The following NCL variants were observed in gnomAD, a reference collection of about 807,000 sequenced individuals.
The protein encoded by NCL is nucleolin multifunctional protein.
In NCL, 4 loss-of-function variants were observed where a neutral mutation model predicts 77.7. That is an observed-to-expected ratio of 0.05 (90% CI 0.03 to 0.12). NCL has a LOEUF of 0.12. NCL is among the 10% of genes least tolerant of loss of function. The probability of loss-of-function intolerance (pLI) is 1.00; values close to 1 mark genes in which losing one functional copy is unlikely to be tolerated. For missense variants in NCL, 763 were observed against 860.9 expected (o/e 0.89, Z 1.42); for synonymous variants, 344 against 297.8 (o/e 1.16, Z -1.60).
rs760466727 is a variant in NCL at position 231,455,285 on chromosome 2, G to T, written c.2057-18C>A. On this transcript the variant is annotated intron_variant, in intron 13 of 13. Coordinates refer to ENST00000322723, the MANE Select transcript of NCL (RefSeq NM_005381.3). ...TCCTCGCCCTACAGGAGGAAGGCAA[G>T]ACACTGTTAAAAGAATGGGTACAAA... The T allele has an allele frequency of 6.2e-7, 1 of 1,613,960 alleles. No homozygotes were observed. Among genetic ancestry groups the T allele is most frequent in the Non-Finnish European group, 8.5e-7 (1 of 1,180,006 alleles).
intron 7 of NCL, 121 bp from the exon 8 acceptor site, chr2:231,458,510 G>A (rs2046913478): frequency 7.9e-7 from 1 of 1,266,508 alleles, no homozygotes; most frequent in Non-Finnish European, 1.1e-6. Context: ...ATCCTATAAT[G>A]TACAAGGCTC....
At chr2:231,458,918 A>G (rs1346351559) in intron 7 of NCL, 83 bp downstream of exon 7, 2 of 1,351,082 alleles carry the variant, frequency 1.5e-6, no homozygotes, top group Non-Finnish European at 2.0e-6. Flanking sequence ...ATAAGAGGAA[A>G]CCAAGGGAAA....
At chr2:231,461,053 T>C (rs2046944691) in intron 3 of NCL, among the ~76,000 whole-genome samples, 187 bp from the exon 4 acceptor site, 1 of 152,012 alleles carries the variant, frequency 6.6e-6, no homozygotes, top group African/African-American at 2.4e-5. Flanking sequence ...CCAAGGTGGG[T>C]GGATCACCTG....
chr2:231,455,912 A>C, intron 12 of NCL, 98 bp downstream of exon 12: 1 of 1,578,658 alleles, frequency 6.3e-7, no homozygotes, highest in Non-Finnish European at 8.7e-7. Context: ...CCACTGATAG[A>C]CAGAAAGGAG....
Position 231,460,739 on chromosome 2 carries a change from G to GTCATCC in NCL, c.735_740dup (p.Glu245_Asp246dup), listed in dbSNP as rs2046941244. The stretch of plus-strand genomic sequence containing the variant: ...CATCTTCATCATCTTCGTCGTCGTC[G>GTCATCC]TCATCCTCGTCCTCATCATCCTCTT... On this transcript the variant is annotated inframe_insertion, in exon 4 of 14. Coordinates refer to ENST00000322723, the MANE Select transcript of NCL (RefSeq NM_005381.3). 6.2e-7 allele frequency: 1 copy of GTCATCC among 1,609,124 alleles called. No homozygotes were observed. The highest frequency in any genetic ancestry group is 8.5e-7 in the Non-Finnish European group (1 of 1,175,802).
rs1283722251 is a variant in NCL at position 231,461,940 on chromosome 2, CTTT to C, written c.210_212del (p.Lys71del). 6.2e-7 allele frequency: 1 copy of C among 1,614,086 alleles called. No individual in the cohort carries two copies. Among genetic ancestry groups the C allele is most frequent in the Non-Finnish European group, 8.5e-7 (1 of 1,180,036 alleles). On this transcript the variant is annotated inframe_deletion, in exon 3 of 14. Transcript: ENST00000322723. ...TCTTGGCTGGTGTGGCAACTGCAAC[CTTT>C]TTTGTTGGGGAAACGACCACCTTCT... is the stretch of plus-strand genomic sequence containing the variant.
intron 2 of NCL, 56 bp downstream of exon 2, chr2:231,463,144 T>C (rs1191689632): frequency 7.6e-7 from 1 of 1,308,080 alleles, no homozygotes; most frequent in African/African-American, 1.5e-5. Context: ...ATTTCATGTC[T>C]TAACTCTCCA....
chr2:231,462,693 A>G (rs1369001520), intron 2 of NCL: 1 of 408,772 alleles, frequency 2.4e-6, no homozygotes, highest in Non-Finnish European at 4.9e-6. Context: ...TGAGCAAATA[A>G]AAGGCCAGGA....
intron 5 of NCL, 71 bp downstream of exon 5, chr2:231,460,407 G>C (rs1283364992): frequency 3.1e-6 from 5 of 1,590,850 alleles, no homozygotes; most frequent in Non-Finnish European, 4.3e-6. Flanking sequence ...TCAGGTTTCA[G>C]TATTAAGTCC....
intron 1 of NCL, 71 bp downstream of exon 1, chr2:231,464,265 T>A: frequency 7.2e-6 from 11 of 1,527,784 alleles, no homozygotes; most frequent in African/African-American, 1.4e-5. Flanking sequence ...CAGGCCCTCC[T>A]CCCCGCGGCG....
rs1297272847 is a variant in NCL, at chr2:231,460,458, C to A, written c.898+20G>T. 2.5e-6 allele frequency: 4 copies of A among 1,608,516 alleles called. No individual in the cohort carries two copies. Among genetic ancestry groups the A allele is most frequent in the Non-Finnish European group, 3.4e-6 (4 of 1,174,872 alleles). The stretch of plus-strand genomic sequence containing the variant: ...TTTGTGCTGTTTATCTCCCCCATAT[C>A]CCCTAATTCTGCAAGTTACCTTCCA... On this transcript the variant is annotated intron_variant, in intron 5 of 13. Transcript: ENST00000322723.
At position 231,460,123 on chromosome 2, in the gene NCL, G is replaced by A. The variant is rs369385701; in HGVS notation, c.1040+29C>T. ...GAAGGAAAAGCATTAACAGACCCAC[G>A]TGTATGTAACGTGCAGTGAAGCACT... On this transcript the variant is annotated intron_variant, in intron 6 of 13. Coordinates refer to ENST00000322723, the MANE Select transcript of NCL (RefSeq NM_005381.3). 244 of 1,596,098 alleles carry A rather than the reference G, an allele frequency of 1.5e-4. 3 individuals carry two copies. In the African/African-American group the frequency reaches 2.0e-3, roughly 13 times the overall value.
intron 12 of NCL, 90 bp downstream of exon 12, chr2:231,455,920 G>C (rs1157529715): frequency 1.3e-6 from 2 of 1,589,090 alleles, no homozygotes; most frequent in Non-Finnish European, 1.7e-6. Flanking sequence ...AGACAGAAAG[G>C]AGCTCAATGA....
chr2:231,457,207 G>C, intron 9 of NCL, 83 bp from the exon 10 acceptor site: 2 of 1,563,346 alleles, frequency 1.3e-6, no homozygotes, highest in Non-Finnish European at 1.8e-6. Context: ...TTATTCCTAA[G>C]AATTTCAGTG....
At position 231,456,731 on chromosome 2, in the gene NCL, G is replaced by A. The variant is rs61754797; in HGVS notation, c.1605C>T (p.Asp535=). The A allele has an allele frequency of 2.0e-3, 3,175 of 1,614,076 alleles. 22 individuals carry two copies. The highest frequency in any genetic ancestry group is 0.015 in the African/African-American group (1,109 of 75,014). The change falls in exon 11 of 14, where the codon GAC becomes GAT. Residue 535 remains aspartate, a synonymous_variant. Coordinates refer to ENST00000322723, the MANE Select transcript of NCL (RefSeq NM_005381.3). ...YAFIEFASFE[D]AKEALNSCNK... The stretch of plus-strand genomic sequence containing the variant: ...TACAGGAATTTAAAGCTTCTTTAGC[G>A]TCTTCGAATGAAGCAAACTCTATAA...
intron 2 of NCL, among the ~76,000 whole-genome samples, chr2:231,462,356 CTA>C (rs2046960924): frequency 6.6e-6 from 1 of 152,180 alleles, no homozygotes; most frequent in South Asian, 2.1e-4. Flanking sequence ...TCATGAATTG[CTA>C]TGTGTAAATT....
Position 231,455,230 on chromosome 2 carries a change from ACCTCCTCCTCCTCTG to A in NCL, c.2079_2093del (p.Arg694_Gly698del). 6.2e-7 allele frequency: 1 copy of A among 1,614,068 alleles called. No homozygotes were observed. Among genetic ancestry groups the A allele is most frequent in the Non-Finnish European group, 8.5e-7 (1 of 1,180,002 alleles). ...TCTTCTTTCCTTGTGGCTTGTGGTC[ACCTCCTCCTCCTCTG>A]CCTCCTCGGAAGCCTCCTCGCCCTA... is the stretch of plus-strand genomic sequence containing the variant. On this transcript the variant is annotated inframe_deletion, in exon 14 of 14. Coordinates refer to ENST00000322723, the MANE Select transcript of NCL (RefSeq NM_005381.3).
chr2:231,457,447 A>C, intron 9 of NCL, 196 bp downstream of exon 9: 1 of 767,434 alleles, frequency 1.3e-6, no homozygotes, highest in East Asian at 2.7e-5. Flanking sequence ...TCCAATGCAA[A>C]ATGATTTTAG....
chr2:231,455,082 T>G lies in NCL; in HGVS notation c.*109A>C. ...CGGATTTCCAAGGAGACCACAGGAC[T>G]GTATACTGTCTTGGAATGTCCTCAG... On this transcript the variant is annotated 3_prime_UTR_variant, in exon 14 of 14. Coordinates refer to ENST00000322723, the MANE Select transcript of NCL (RefSeq NM_005381.3). 8.2e-7 allele frequency: 1 copy of G among 1,212,146 alleles called. No individual in the cohort carries two copies. The highest frequency in any genetic ancestry group is 2.3e-5 in the East Asian group (1 of 42,974). 75.1% of individuals were successfully genotyped at this position (1,212,146 alleles called of 1,614,324 possible).
Sources: gnomAD v4.1 joint callset for allele counts (sites outside exome capture counted in the v4.1 genomes callset) on GRCh38, gnomAD v4.1.1 for gene constraint, MANE v1.5 for transcripts, NCBI Gene and HGNC (gene_info 2026-07-23, HGNC 2026-07-21) for gene names.